The following OPCML variants were observed in gnomAD, a reference collection of about 807,000 sequenced individuals.
OPCML encodes the protein opioid binding protein/cell adhesion molecule like.
A neutral mutation model predicts 37.8 loss-of-function variants in OPCML; 13 were observed. The observed-to-expected ratio is 0.34, with a 90% CI of 0.22 to 0.55. The LOEUF (loss-of-function observed/expected upper bound fraction) is 0.55. OPCML is among the 20% of genes least tolerant of loss of function. OPCML has a pLI of 0.91. For missense variants in OPCML, 341 were observed against 435.6 expected (o/e 0.78, Z 1.93); for synonymous variants, 176 against 168.8 (o/e 1.04, Z -0.33).
chr11:132,892,363 G>A (rs530708694), intron 2 of OPCML, among the ~76,000 whole-genome samples: 5 of 152,264 alleles, frequency 3.3e-5, no homozygotes, highest in South Asian at 2.1e-4. Flanking sequence ...GCTATTTGGA[G>A]TGGGGGACAG....
chr11:133,161,207 G>A (rs1316761310), intron 1 of OPCML, among the ~76,000 whole-genome samples: 1 of 152,226 alleles, frequency 6.6e-6, no homozygotes, highest in Non-Finnish European at 1.5e-5. Flanking sequence ...CATCCTGGCT[G>A]ATTGCAGTGA....
At chr11:132,923,593 C>G (rs548650462) in intron 2 of OPCML, among the ~76,000 whole-genome samples, 2 of 152,204 alleles carry the variant, frequency 1.3e-5, no homozygotes, top group Non-Finnish European at 2.9e-5. Context: ...CTTATGTTCA[C>G]TATTATTTCC....
chr11:132,904,501 G>C (rs1944169121), intron 2 of OPCML, among the ~76,000 whole-genome samples: 1 of 152,226 alleles, frequency 6.6e-6, no homozygotes, highest in South Asian at 2.1e-4. Context: ...ACCTCAGACT[G>C]CTGTGAAATA....
rs558648249 is a variant in OPCML at position 133,501,964 on chromosome 11, G to A, written c.61+30300C>T. Among the ~76,000 whole-genome samples, 55 of 151,552 alleles carry A rather than the reference G, an allele frequency of 3.6e-4. 1 individual carries two copies. In the South Asian group the frequency reaches 0.011, roughly 30 times the overall value. On this transcript the variant is annotated intron_variant, in intron 1 of 7. Coordinates refer to ENST00000524381, the MANE Select transcript of OPCML (RefSeq NM_001012393.5). ...CCTTCAAAGCATCTCCTCCACAGCC[G>A]CCCCTTCCACGACCGCTGCTGCCTC... is the stretch of plus-strand genomic sequence containing the variant.
intron 1 of OPCML, among the ~76,000 whole-genome samples, chr11:133,262,813 T>C (rs1021821337): frequency 6.6e-6 from 1 of 151,872 alleles, no homozygotes; most frequent in African/African-American, 2.4e-5. Context: ...AGGAAGAGCG[T>C]GCAGGCTTGC....
At chr11:133,351,032 T>C (rs1275594937) in intron 1 of OPCML, among the ~76,000 whole-genome samples, 1 of 152,078 alleles carries the variant, frequency 6.6e-6, no homozygotes, top group African/African-American at 2.4e-5. Flanking sequence ...AAAATAGGAG[T>C]ATACCTCTCA....
intron 2 of OPCML, among the ~76,000 whole-genome samples, chr11:132,854,955 A>T (rs776595864): frequency 3.3e-5 from 5 of 152,238 alleles, no homozygotes; most frequent in Non-Finnish European, 7.3e-5. Flanking sequence ...GAAGGGATTT[A>T]GTTTATAGTT....
chr11:132,867,592 T>C (rs574229263), intron 2 of OPCML, among the ~76,000 whole-genome samples: 2 of 152,206 alleles, frequency 1.3e-5, no homozygotes, highest in Non-Finnish European at 2.9e-5. Flanking sequence ...CACCAGTGAA[T>C]CTGCTGCAAT....
At chr11:133,451,022 T>A (rs975099014) in intron 1 of OPCML, among the ~76,000 whole-genome samples, 1 of 151,822 alleles carries the variant, frequency 6.6e-6, no homozygotes, top group Non-Finnish European at 1.5e-5. Flanking sequence ...ACATATGTTA[T>A]ATAACATTTT....
chr11:132,514,648 A>T (rs2096275872), intron 4 of OPCML, among the ~76,000 whole-genome samples: 1 of 152,168 alleles, frequency 6.6e-6, no homozygotes. Context: ...AATATGACTC[A>T]ATATTTTTTT....
At chr11:132,466,774 G>A (rs971288322) in intron 4 of OPCML, among the ~76,000 whole-genome samples, 1 of 152,062 alleles carries the variant, frequency 6.6e-6, no homozygotes, top group Non-Finnish European at 1.5e-5. Context: ...CTGGAGCCTC[G>A]GGTCCGTGTC....
chr11:132,756,684 T>C (rs983957217), intron 2 of OPCML, among the ~76,000 whole-genome samples: 18 of 152,210 alleles, frequency 1.2e-4, no homozygotes, highest in African/African-American at 4.3e-4. Flanking sequence ...TCCAAAATAT[T>C]GGAAATTGGC....
chr11:132,935,275 C>T (rs1039137207), intron 2 of OPCML, among the ~76,000 whole-genome samples: 14 of 152,098 alleles, frequency 9.2e-5, no homozygotes, highest in Admixed American at 5.2e-4. Context: ...CTTCTAATTA[C>T]GCCTACTTTT....
intron 2 of OPCML, among the ~76,000 whole-genome samples, chr11:132,802,183 C>T (rs542946655): frequency 7.2e-5 from 11 of 152,276 alleles, no homozygotes; most frequent in East Asian, 5.8e-4. Context: ...TAGCACAAAC[C>T]GTCACCATCT....
At chr11:132,928,074 A>G (rs961157034) in intron 2 of OPCML, among the ~76,000 whole-genome samples, 3 of 152,048 alleles carry the variant, frequency 2.0e-5, no homozygotes, top group African/African-American at 7.2e-5. Flanking sequence ...AAAAAACTAT[A>G]AAGTGTACAG....
chr11:132,932,249 C>T (rs1339446524), intron 2 of OPCML, among the ~76,000 whole-genome samples: 1 of 152,066 alleles, frequency 6.6e-6, no homozygotes, highest in Non-Finnish European at 1.5e-5. Flanking sequence ...AGTTGCACAG[C>T]AACGTGAATG....
At chr11:133,230,398 A>G (rs943780046) in intron 1 of OPCML, among the ~76,000 whole-genome samples, 1 of 152,184 alleles carries the variant, frequency 6.6e-6, no homozygotes, top group African/African-American at 2.4e-5. Flanking sequence ...GGTGCTGGAC[A>G]GCCAGCTGCT....
chr11:133,254,755 G>C (rs1941255448), intron 1 of OPCML, among the ~76,000 whole-genome samples: 1 of 152,220 alleles, frequency 6.6e-6, no homozygotes. Flanking sequence ...CAGCTGGAGA[G>C]AGTCAAGTTT....
At chr11:132,591,356 A>G (rs1359984982) in intron 3 of OPCML, among the ~76,000 whole-genome samples, 2 of 152,236 alleles carry the variant, frequency 1.3e-5, no homozygotes, top group Non-Finnish European at 2.9e-5. Context: ...TGTTTCATAT[A>G]CCAAGTGGTT....
Sources: allele counts gnomAD v4.1 joint callset (sites outside exome capture counted in the v4.1 genomes callset), GRCh38; gene constraint gnomAD v4.1.1; transcripts MANE v1.5; gene names NCBI Gene and HGNC (gene_info 2026-07-23, HGNC 2026-07-21).